Variants in DNAH8 observed in about 807,000 individuals in gnomAD.
DNAH8 encodes dynein axonemal heavy chain 8, also known as axonemal beta dynein heavy chain 8.
In DNAH8, 382 loss-of-function variants were observed where a neutral mutation model predicts 562.1. That is an observed-to-expected ratio of 0.68 (90% CI 0.63 to 0.74). The LOEUF (loss-of-function observed/expected upper bound fraction) is 0.74, where lower values mean the gene tolerates loss of function less well. Among genes scored for constraint, DNAH8 ranks in the 30% least tolerant of loss-of-function variants. DNAH8 has a pLI of 0.00. For synonymous variants in DNAH8, 1,881 were observed against 1,919.4 expected (o/e 0.98, Z 0.52); for missense variants, 5,203 against 5,620.4 (o/e 0.93, Z 2.37).
At chr6:38,987,224 G>A (rs1010850054) in intron 87 of DNAH8, among the ~76,000 whole-genome samples, 1 of 152,206 alleles carries the variant, frequency 6.6e-6, no homozygotes, top group African/African-American at 2.4e-5. Context: ...GGGGGAGGAA[G>A]AAGTGTCGCT....
chr6:38,935,620 T>G lies in DNAH8; in HGVS notation c.11486T>G (p.Leu3829Trp). 1 of 1,613,222 alleles carries G rather than the reference T, an allele frequency of 6.2e-7. No homozygotes were observed. The highest frequency in any genetic ancestry group is 8.5e-7 in the Non-Finnish European group (1 of 1,179,706). Residue 3829 changes from leucine to tryptophan, a missense_variant, in exon 77 of 93, where the codon TTG becomes TGG. Physicochemically the swap from Leu to Trp is moderately conservative, Grantham distance 61. Coordinates refer to ENST00000327475, the MANE Select transcript of DNAH8 (RefSeq NM_001206927.2). The part of the protein sequence containing the change: ...QELEAERVKL[L>W]EDVTFNKRKM... Reference sequence around the variant, plus strand: ...TTAGAGGCTGAGAGGGTTAAACTTTTGGAGGATGTTACTTTTAATAAGCGG... The same window carrying G: ...TTAGAGGCTGAGAGGGTTAAACTTTGGGAGGATGTTACTTTTAATAAGCGG...
rs115400657 is a variant in DNAH8, at chr6:38,857,028, C to G, written c.5734-490C>G. On this transcript the variant is annotated intron_variant, in intron 41 of 92. Coordinates refer to ENST00000327475, the MANE Select transcript of DNAH8 (RefSeq NM_001206927.2). ...CCCTTCTCATTTTCTGTCTCCCTCT[C>G]TCTTCTATAGATAAGTATAGAGACA... Among the ~76,000 whole-genome samples the G allele has an allele frequency of 1.8e-3, 277 of 152,304 alleles. 2 individuals are homozygous for G. Among genetic ancestry groups the G allele is most frequent in the Non-Finnish European group, 3.2e-3 (218 of 68,044 alleles).
At chr6:38,752,075 T>C (rs1765500319) in intron 9 of DNAH8, among the ~76,000 whole-genome samples, 1 of 152,206 alleles carries the variant, frequency 6.6e-6, no homozygotes, top group South Asian at 2.1e-4. Flanking sequence ...TAGCTATCTG[T>C]AGCATTATGG....
rs1260371541 is a variant in DNAH8 at position 38,984,200 on chromosome 6, A to T, written c.12952-6A>T. ...AATTAATAATCCTTTTTTACTTTTA[A>T]TAAAGGGTGTATCATGGAATACGGT... On this transcript the variant is annotated splice_polypyrimidine_tract_variant and splice_region_variant and intron_variant, in intron 86 of 92. Transcript: ENST00000327475. The T allele has an allele frequency of 6.7e-7, 1 of 1,497,846 alleles. No homozygotes were observed. Among genetic ancestry groups the T allele is most frequent in the African/African-American group, 1.4e-5 (1 of 72,312 alleles). 92.8% of individuals were successfully genotyped at this position (1,497,846 alleles called of 1,614,324 possible).
chr6:38,807,445 G>A (rs1360665713), intron 23 of DNAH8, among the ~76,000 whole-genome samples, 165 bp from the exon 24 acceptor site: 1 of 152,166 alleles, frequency 6.6e-6, no homozygotes, highest in Non-Finnish European at 1.5e-5. Context: ...AAAAAAAACA[G>A]ACAAGTAATT....
chr6:38,725,844 T>C (rs1365134432), intron 3 of DNAH8, among the ~76,000 whole-genome samples: 1 of 152,246 alleles, frequency 6.6e-6, no homozygotes, highest in African/African-American at 2.4e-5. Flanking sequence ...ATTCTGTAGC[T>C]GGTCCTGACT....
chr6:38,915,939 TACAC>T (rs1278041331), intron 68 of DNAH8, among the ~76,000 whole-genome samples: 13 of 152,254 alleles, frequency 8.5e-5, no homozygotes, highest in Non-Finnish European at 1.8e-4. Context: ...TGTATATACT[TACAC>T]ACTGCTAATA....
intron 57 of DNAH8, 84 bp from the exon 58 acceptor site, chr6:38,890,568 C>A: frequency 1.0e-6 from 1 of 995,962 alleles, no homozygotes; most frequent in Non-Finnish European, 1.6e-6. Context: ...CTTAGTCAGC[C>A]TTGTAATGAT....
chr6:38,924,073 A>C lies in DNAH8; in HGVS notation c.10873A>C (p.Lys3625Gln), dbSNP rs1282384794. Residue 3625 changes from lysine to glutamine, a missense_variant, in exon 73 of 93, where the codon AAA becomes CAA. Around this residue, in one of 6 missense-constraint regions of DNAH8, gnomAD observed 1,399 missense variants for 1,518.4 expected, o/e 0.92. Coordinates refer to ENST00000327475, the MANE Select transcript of DNAH8 (RefSeq NM_001206927.2). ...FNQIFRNYLL[K>Q]DQWEMELRAR... ...TCAGATATTTAGGAACTATTTGCTT[A>C]AAGATCAATGGGAAATGGAGTTGAG... 1.2e-6 allele frequency: 2 copies of C among 1,613,966 alleles called. No individual in the cohort carries two copies. Among genetic ancestry groups the C allele is most frequent in the Non-Finnish European group, 1.7e-6 (2 of 1,179,938 alleles).
chr6:38,763,102 G>C (rs946598142), intron 11 of DNAH8: 2 of 347,494 alleles, frequency 5.8e-6, no homozygotes, highest in Non-Finnish European at 1.1e-5. Context: ...AAAAGAAAGG[G>C]ATAATGACTA....
chr6:39,016,434 C>G (rs1416674050), intron 91 of DNAH8, among the ~76,000 whole-genome samples: 1 of 151,786 alleles, frequency 6.6e-6, no homozygotes, highest in Non-Finnish European at 1.5e-5. Context: ...GCCTGTAGTC[C>G]CAGCTACTCG....
In DNAH8 at chr6:38,909,745, G is replaced by A. The variant is rs1780740611; in HGVS notation, c.9740+1G>A. ...AGAGCTGTGAAAGTTATTTCCAAAG[G>A]TAAGTGATATTACATAAGCACCATC... On this transcript the variant is annotated splice_donor_variant, in intron 65 of 92. Coordinates refer to ENST00000327475, the MANE Select transcript of DNAH8 (RefSeq NM_001206927.2). LOFTEE classifies it high-confidence loss of function. 2 of 1,612,286 alleles carry A rather than the reference G, an allele frequency of 1.2e-6. No homozygotes were observed. The highest frequency in any genetic ancestry group is 2.2e-5 in the South Asian group (2 of 91,052).
intron 5 of DNAH8, 28 bp downstream of exon 5, chr6:38,734,653 T>C: frequency 6.2e-7 from 1 of 1,601,690 alleles, no homozygotes; most frequent in South Asian, 1.1e-5. Context: ...CCCAAATACA[T>C]AGTTAAACAT....
intron 11 of DNAH8, chr6:38,763,374 A>G (rs1766702641): frequency 3.8e-6 from 1 of 261,160 alleles, no homozygotes; most frequent in African/African-American, 2.3e-5. Context: ...TAAATACAGA[A>G]GAAAAAAAAG....
rs554467029 is a variant in DNAH8 at position 38,945,338 on chromosome 6, A to G, written c.12008-129A>G. ...CCAAAAAACCCTCACATTTTCTGTA[A>G]TATTATTATTTTCCAATTTTCCTAT... is the stretch of plus-strand genomic sequence containing the variant. On this transcript the variant is annotated intron_variant, in intron 79 of 92. Coordinates refer to ENST00000327475, the MANE Select transcript of DNAH8 (RefSeq NM_001206927.2). 3.0e-6 allele frequency: 3 copies of G among 985,166 alleles called. No homozygotes were observed. The African/African-American group carries it at 4.9e-5, about 16-fold the overall frequency. 61.0% of individuals were successfully genotyped at this position (985,166 alleles called of 1,614,324 possible).
chr6:38,831,202 A>G (rs1327663201), intron 30 of DNAH8, among the ~76,000 whole-genome samples: 1 of 152,068 alleles, frequency 6.6e-6, no homozygotes, highest in Non-Finnish European at 1.5e-5. Flanking sequence ...AGATGGGTGG[A>G]TCACTTGAGC....
In DNAH8 at chr6:38,870,178, C is replaced by T. The variant is rs577461302; in HGVS notation, c.6829-223C>T. Reference sequence around the variant, plus strand: ...CTCTCACTGGGTCCCTCCCACGACACGTGGGAGTTATGGGAGCTACGATTC... The same window carrying T: ...CTCTCACTGGGTCCCTCCCACGACATGTGGGAGTTATGGGAGCTACGATTC... On this transcript the variant is annotated intron_variant, in intron 48 of 92. Transcript: ENST00000327475. Among the ~76,000 whole-genome samples the T allele has an allele frequency of 7.2e-5, 11 of 152,246 alleles. No homozygotes were observed. In the East Asian group the frequency reaches 7.7e-4, roughly 11 times the overall value.
intron 88 of DNAH8, among the ~76,000 whole-genome samples, chr6:39,002,745 A>C (rs1414618300): frequency 2.0e-5 from 3 of 152,174 alleles, no homozygotes; most frequent in Non-Finnish European, 2.9e-5. Flanking sequence ...ATCAGGTTTT[A>C]CTTCATTGAT....
At chr6:39,019,770 C>A (rs1186215915) in intron 91 of DNAH8, among the ~76,000 whole-genome samples, 1 of 151,880 alleles carries the variant, frequency 6.6e-6, no homozygotes, top group Non-Finnish European at 1.5e-5. Context: ...CTGGAGAGAC[C>A]CAGGTGTTGT....
Sources: allele counts gnomAD v4.1 joint callset (sites outside exome capture counted in the v4.1 genomes callset), GRCh38; gene constraint gnomAD v4.1.1; regional missense constraint gnomAD v4.1.1; transcripts MANE v1.5; gene names NCBI Gene and HGNC (gene_info 2026-07-23, HGNC 2026-07-21).